CFAP74: variants seen among roughly 807,000 people sequenced by gnomAD.
The protein encoded by CFAP74 is cilia and flagella associated protein 74, also known as cilia- and flagella-associated protein 74.
CFAP74 carries 124 observed loss-of-function variants against 188.9 expected under a neutral mutation model. The observed-to-expected ratio is 0.66, with a 90% CI of 0.57 to 0.76. CFAP74 has a LOEUF of 0.76. Ranked by LOEUF, CFAP74 falls within the 30% of genes least tolerant of loss-of-function variation. The probability of loss-of-function intolerance (pLI) is 0.00; values close to 1 mark genes in which losing one functional copy is unlikely to be tolerated. For missense variants in CFAP74, 2,198 were observed against 2,165.2 expected, an observed-to-expected ratio of 1.02 and a Z score of -0.30; for synonymous variants, 956 against 916.7, an observed-to-expected ratio of 1.04 and a Z score of -0.77.
At chr1:1,945,123 T>C (rs1653658624) in intron 20 of CFAP74, among the ~76,000 whole-genome samples, 1 of 151,286 alleles carries the variant, frequency 6.6e-6, no homozygotes, top group Non-Finnish European at 1.5e-5. Flanking sequence ...CTGGGCAGTG[T>C]GGTGAGACCC....
chr1:1,971,299 TCA>T (rs561140085), intron 9 of CFAP74, among the ~76,000 whole-genome samples: 117 of 132,822 alleles, frequency 8.8e-4, no homozygotes, highest in African/African-American at 2.9e-3. Context: ...ACATACACGC[TCA>T]CACATGCACA....
intron 1 of CFAP74, among the ~76,000 whole-genome samples, chr1:1,998,846 T>C (rs1658059158): frequency 6.6e-6 from 1 of 152,122 alleles, no homozygotes; most frequent in Non-Finnish European, 1.5e-5. Flanking sequence ...CACTGCACTC[T>C]AGCCTAGGCG....
At chr1:1,925,652 T>G (rs1570812723) in intron 33 of CFAP74, 131 bp downstream of exon 33, 2 of 930,256 alleles carry the variant, frequency 2.1e-6, no homozygotes, top group Non-Finnish European at 1.6e-6. Flanking sequence ...AGAGGAGGGG[T>G]AGAGGGGGCC....
chr1:1,943,442 G>A (rs1046100716), intron 21 of CFAP74, among the ~76,000 whole-genome samples: 2 of 152,228 alleles, frequency 1.3e-5, no homozygotes, highest in African/African-American at 4.8e-5. Flanking sequence ...CCGGGGAGAG[G>A]TGGCTGTGCC....
Position 1,988,523 on chromosome 1 carries a change from A to C in CFAP74, c.285T>G (p.Thr95=). The change falls in exon 4 of 39, where the codon ACT becomes ACG. Residue 95 remains threonine (T), a synonymous_variant. Coordinates refer to ENST00000682832, the MANE Select transcript of CFAP74 (RefSeq NM_001304360.2). ...CAGCCCCAGCTCACCTCATCTTCTC[A>C]GTGAAAAGCTCTTGCTCCTCATGCA... ...DKMHEEQELF[T]EKMRGELRAC... is the part of the protein sequence containing the mutation. 12 of 1,612,334 alleles carry C rather than the reference A, an allele frequency of 7.4e-6. No homozygotes were observed. Among genetic ancestry groups the C allele is most frequent in the Non-Finnish European group, 9.3e-6 (11 of 1,179,994 alleles).
chr1:2,000,763 C>T (rs1467789470), intron 1 of CFAP74, among the ~76,000 whole-genome samples: 1 of 152,144 alleles, frequency 6.6e-6, no homozygotes, highest in Non-Finnish European at 1.5e-5. Flanking sequence ...ATGAGGCACT[C>T]ACCCTATTCT....
chr1:1,993,082 T>A (rs1657685705), intron 1 of CFAP74, among the ~76,000 whole-genome samples: 1 of 150,040 alleles, frequency 6.7e-6, no homozygotes, highest in Non-Finnish European at 1.5e-5. Context: ...GCACCTGTAG[T>A]CCCAGCTACT....
At position 1,930,429 on chromosome 1, in the gene CFAP74, C is replaced by CG. The variant is rs990000477; in HGVS notation, c.3012-94dup. On this transcript the variant is annotated intron_variant, in intron 25 of 38. Transcript: ENST00000682832. ...GGGCCACTGGGTGGAGGACAAGCCC[C>CG]GGGGGGGGCTCACAGGGACATGCAC... 1,320 of 1,266,410 alleles carry CG rather than the reference C, an allele frequency of 1.0e-3. 2 individuals are homozygous for CG. Among genetic ancestry groups the CG allele is most frequent in the East Asian group, 5.3e-3 (204 of 38,366 alleles). The allele number at this position is 1,266,410 out of a possible 1,614,324, so 78.4% of individuals were successfully genotyped here. A position where few individuals can be genotyped will look rare whatever the true frequency, so the allele number is the denominator to read the frequency against.
Position 1,923,338 on chromosome 1 carries a change from G to C in CFAP74, c.4522+29C>G. ...GGACAGGGGCACCGGGAGGCCCCGT[G>C]TCTGTTCCCTCCCTGGGGAGGGGCT... On this transcript the variant is annotated intron_variant, in intron 36 of 38. Transcript: ENST00000682832. The surrounding 1 kb of genome is among the most constrained non-coding windows in gnomAD (Gnocchi z 6.3). 6.5e-7 allele frequency: 1 copy of C among 1,545,078 alleles called. No homozygotes were observed. The highest frequency in any genetic ancestry group is 1.2e-5 in the South Asian group (1 of 84,282).
intron 14 of CFAP74, 53 bp from the exon 15 acceptor site, chr1:1,960,083 C>G (rs565118475): frequency 6.8e-7 from 1 of 1,472,996 alleles, no homozygotes; most frequent in African/African-American, 1.4e-5. Context: ...AGGGCAGACG[C>G]TCGCCTCACC....
intron 1 of CFAP74, among the ~76,000 whole-genome samples, chr1:1,997,746 G>A (rs2102119982): frequency 6.6e-6 from 1 of 152,228 alleles, no homozygotes; most frequent in East Asian, 1.9e-4. Flanking sequence ...CGGGCAGCAT[G>A]AAAGGAGACA....
intron 4 of CFAP74, chr1:1,987,880 G>T: frequency 5.9e-6 from 2 of 337,010 alleles, no homozygotes; most frequent in South Asian, 4.5e-5. Flanking sequence ...TGCCGGAGCC[G>T]AGGAGGGAAA....
intron 1 of CFAP74, among the ~76,000 whole-genome samples, chr1:1,993,411 A>C (rs531885527): frequency 6.6e-6 from 1 of 151,266 alleles, no homozygotes; most frequent in African/African-American, 2.4e-5. Flanking sequence ...CAGCCTCCCA[A>C]AGGAGCTGGG....
At chr1:1,986,872 G>T in intron 5 of CFAP74, 65 bp downstream of exon 5, 1 of 1,389,522 alleles carries the variant, frequency 7.2e-7, no homozygotes, top group Non-Finnish European at 1.0e-6. Context: ...CACTTTGGGT[G>T]AACCAGTGAA....
intron 25 of CFAP74, among the ~76,000 whole-genome samples, chr1:1,937,054 C>A (rs996187368): frequency 6.6e-6 from 1 of 152,128 alleles, no homozygotes; most frequent in Non-Finnish European, 1.5e-5. Context: ...GCGAAGCAAA[C>A]TGGGAAGCGT....
chr1:1,988,319 G>T (rs1210142809), intron 4 of CFAP74, among the ~76,000 whole-genome samples, 193 bp downstream of exon 4: 1 of 152,242 alleles, frequency 6.6e-6, no homozygotes, highest in East Asian at 1.9e-4. Context: ...TTTTCTGTGG[G>T]AAGGGGGCTG....
chr1:1,956,821 G>C lies in CFAP74; in HGVS notation c.1852-37C>G, dbSNP rs759891209. On this transcript the variant is annotated intron_variant, in intron 16 of 38. Coordinates refer to ENST00000682832, the MANE Select transcript of CFAP74 (RefSeq NM_001304360.2). ...CATGGAGTGAACTCAGGGCCACCGT[G>C]CCAGGCCCACAGGGTGCCCAGCGTG... The C allele has an allele frequency of 7.5e-6, 12 of 1,599,472 alleles. No homozygotes were observed. In the East Asian group the frequency reaches 2.7e-4, roughly 36 times the overall value.
At position 1,922,248 on chromosome 1, in the gene CFAP74, G is replaced by A. The variant is rs1557977172; in HGVS notation, c.*39C>T. The A allele has an allele frequency of 6.6e-7, 1 of 1,508,618 alleles. No homozygotes were observed. The highest frequency in any genetic ancestry group is 2.3e-5 in the East Asian group (1 of 44,238). The allele number at this position is 1,508,618 out of a possible 1,614,324, so 93.5% of individuals were successfully genotyped here. A position where few individuals can be genotyped will look rare whatever the true frequency, so the allele number is the denominator to read the frequency against. ...GCCCTCAGCCTGGGGAGGGCTTTGA[G>A]GGTGGACAGGAGGGCCCGAGGGTGC... On this transcript the variant is annotated 3_prime_UTR_variant, in exon 39 of 39. Coordinates refer to ENST00000682832, the MANE Select transcript of CFAP74 (RefSeq NM_001304360.2).
intron 21 of CFAP74, among the ~76,000 whole-genome samples, chr1:1,943,192 G>T (rs1460328925): frequency 6.6e-6 from 1 of 152,166 alleles, no homozygotes; most frequent in African/African-American, 2.4e-5. Context: ...CACAGAGCTG[G>T]GCCCCACTCA....
Sources: allele counts gnomAD v4.1 joint callset (sites outside exome capture counted in the v4.1 genomes callset), GRCh38; gene constraint gnomAD v4.1.1; non-coding constraint Gnocchi (gnomAD v3.1); transcripts MANE v1.5; gene names NCBI Gene and HGNC (gene_info 2026-07-23, HGNC 2026-07-21).